The following SEMA6D variants were observed in gnomAD, a reference collection of about 807,000 sequenced individuals.
SEMA6D encodes the protein semaphorin 6D.
A neutral mutation model predicts 106.6 loss-of-function variants in SEMA6D; 35 were observed. The ratio of observed to expected loss-of-function variants is 0.33; its 90% confidence interval spans 0.25 to 0.44. SEMA6D has a LOEUF of 0.44. SEMA6D is among the 20% of genes least tolerant of loss of function. The probability of loss-of-function intolerance (pLI) is 1.00; values close to 1 mark genes in which losing one functional copy is unlikely to be tolerated. For missense variants in SEMA6D, 1,185 were observed against 1,345.9 expected (o/e 0.88, Z 1.87); for synonymous variants, 499 against 487.7 (o/e 1.02, Z -0.31).
intron 3 of SEMA6D, among the ~76,000 whole-genome samples, chr15:47,573,528 A>G (rs2076101347): frequency 6.6e-6 from 1 of 152,194 alleles, no homozygotes; most frequent in African/African-American, 2.4e-5. Flanking sequence ...ATCTTAAGAA[A>G]TCATCCCATT....
intron 4 of SEMA6D, among the ~76,000 whole-genome samples, chr15:47,614,760 G>C (rs2076975444): frequency 6.6e-6 from 1 of 152,204 alleles, no homozygotes; most frequent in South Asian, 2.1e-4. Context: ...AGGCTTAGGA[G>C]TCAGACCCTT....
chr15:47,619,615 G>T (rs769420030), intron 4 of SEMA6D, among the ~76,000 whole-genome samples: 14 of 152,192 alleles, frequency 9.2e-5, no homozygotes, highest in Non-Finnish European at 2.1e-4. Flanking sequence ...AGGCCCACTA[G>T]ACCATATGAA....
chr15:47,294,461 C>T (rs906183669), intron 1 of SEMA6D, among the ~76,000 whole-genome samples: 1 of 152,106 alleles, frequency 6.6e-6, no homozygotes, highest in African/African-American at 2.4e-5. Context: ...TGACCTTGTG[C>T]TTTGCCCACC....
At chr15:47,382,707 G>A (rs1433142525) in intron 1 of SEMA6D, among the ~76,000 whole-genome samples, 2 of 152,334 alleles carry the variant, frequency 1.3e-5, no homozygotes, top group Middle Eastern at 3.4e-3. Flanking sequence ...CAAGAGAAAA[G>A]CATGGGATCA....
At chr15:47,343,342 G>A (rs2037904190) in intron 1 of SEMA6D, among the ~76,000 whole-genome samples, 1 of 151,118 alleles carries the variant, frequency 6.6e-6, no homozygotes, top group Admixed American at 6.6e-5. Context: ...TGCCATGTTG[G>A]TGTGCTGCAC....
intron 1 of SEMA6D, among the ~76,000 whole-genome samples, chr15:47,223,542 T>G (rs893277332): frequency 1.3e-5 from 2 of 152,040 alleles, no homozygotes; most frequent in African/African-American, 4.8e-5. Flanking sequence ...TGAACTGTGC[T>G]TCATATGGAC....
At chr15:47,655,218 C>T (rs1023887136) in intron 4 of SEMA6D, among the ~76,000 whole-genome samples, 1 of 152,248 alleles carries the variant, frequency 6.6e-6, no homozygotes, top group Admixed American at 6.5e-5. Flanking sequence ...CCTAGCTGCA[C>T]ATCCAAATAA....
intron 4 of SEMA6D, among the ~76,000 whole-genome samples, chr15:47,666,140 T>C (rs1039590233): frequency 6.6e-6 from 1 of 152,238 alleles, no homozygotes; most frequent in Admixed American, 6.5e-5. Flanking sequence ...AAAGGAAATT[T>C]TGTATGACAT....
intron 3 of SEMA6D, among the ~76,000 whole-genome samples, chr15:47,595,493 T>C (rs889498390): frequency 5.3e-5 from 8 of 152,192 alleles, no homozygotes; most frequent in African/African-American, 1.9e-4. Context: ...CTTGTTGTTG[T>C]TGAGGATTTT....
At chr15:47,246,795 A>G (rs2033232811) in intron 1 of SEMA6D, among the ~76,000 whole-genome samples, 2 of 152,128 alleles carry the variant, frequency 1.3e-5, no homozygotes, top group Admixed American at 1.3e-4. Context: ...TGCCATTCTG[A>G]GAATCAGGGC....
chr15:47,514,805 A>T lies in SEMA6D; in HGVS notation c.-87+44260A>T, dbSNP rs570777418. Among the ~76,000 whole-genome samples the T allele has an allele frequency of 3.3e-5, 5 of 152,318 alleles. No individual in the cohort carries two copies. The South Asian group carries it at 1.0e-3, about 32-fold the overall frequency. ...ACTGCGTTCAGAGTAAAAGTCCTTTACAATGGTCAGAAATCCTCCTGCTCA... is the reference window on the plus strand; with the variant it reads ...ACTGCGTTCAGAGTAAAAGTCCTTTTCAATGGTCAGAAATCCTCCTGCTCA... On this transcript the variant is annotated intron_variant, in intron 3 of 19. Coordinates refer to the SEMA6D transcript ENST00000558014.
intron 1 of SEMA6D, among the ~76,000 whole-genome samples, chr15:47,382,861 G>A (rs777954624): frequency 6.6e-6 from 1 of 152,180 alleles, no homozygotes; most frequent in Admixed American, 6.5e-5. Flanking sequence ...TCCGGCTCCC[G>A]GGCTCAAGCG....
intron 1 of SEMA6D, among the ~76,000 whole-genome samples, chr15:47,732,288 A>G (rs2146723676): frequency 6.6e-6 from 1 of 152,368 alleles, no homozygotes; most frequent in South Asian, 2.1e-4. Flanking sequence ...AAACAAAGTC[A>G]TCAAAGACTC....
chr15:47,417,998 TA>T (rs1227614450), intron 2 of SEMA6D, among the ~76,000 whole-genome samples: 15 of 152,186 alleles, frequency 9.9e-5, no homozygotes, highest in African/African-American at 3.6e-4. Context: ...TAAATATATC[TA>T]AAATATAGCA....
chr15:47,254,768 A>G (rs945129812), intron 1 of SEMA6D, among the ~76,000 whole-genome samples: 8 of 152,028 alleles, frequency 5.3e-5, no homozygotes, highest in Admixed American at 2.0e-4. Context: ...GATGAATCCC[A>G]CTTGGCTATG....
chr15:47,241,412 T>TTTG (rs76584823), intron 1 of SEMA6D: 2,611 of 152,308 alleles, frequency 0.017, 46 homozygotes, highest in African/African-American at 0.021. Context: ...GCGACATGTT[T>TTTG]TTGTTGTTGT....
intron 1 of SEMA6D, among the ~76,000 whole-genome samples, chr15:47,291,699 T>C (rs1037208520): frequency 1.3e-5 from 2 of 152,226 alleles, no homozygotes; most frequent in Admixed American, 6.5e-5. Flanking sequence ...CTTTGATTTT[T>C]CTCTCTGAAC....
intron 1 of SEMA6D, chr15:47,397,687 A>G (rs1006092907): frequency 6.6e-6 from 1 of 152,188 alleles, no homozygotes; most frequent in Non-Finnish European, 1.5e-5. Flanking sequence ...ACTAATTAAG[A>G]ATATTTAGTG....
At chr15:47,586,661 A>T (rs1235399036) in intron 3 of SEMA6D, among the ~76,000 whole-genome samples, 1 of 152,160 alleles carries the variant, frequency 6.6e-6, no homozygotes, top group African/African-American at 2.4e-5. Flanking sequence ...ATGGAGTTCT[A>T]TGAGTAAAGC....
Sources: allele counts gnomAD v4.1 joint callset (sites outside exome capture counted in the v4.1 genomes callset), GRCh38; gene constraint gnomAD v4.1.1; transcripts MANE v1.5; gene names NCBI Gene and HGNC (gene_info 2026-07-23, HGNC 2026-07-21).